Variants in MSI2 observed in about 807,000 individuals in gnomAD.
MSI2 encodes the protein RNA-binding protein Musashi homolog 2.
Under a neutral mutation model 45.6 loss-of-function variants are expected in MSI2, and 17 were observed. That is an observed-to-expected ratio of 0.37 (90% CI 0.26 to 0.56). The LOEUF (loss-of-function observed/expected upper bound fraction) is 0.56. Among genes scored for constraint, MSI2 ranks in the 20% least tolerant of loss-of-function variants. The probability of loss-of-function intolerance (pLI) is 0.77; values close to 1 mark genes in which losing one functional copy is unlikely to be tolerated. For synonymous variants in MSI2, 156 were observed against 158.2 expected, an observed-to-expected ratio of 0.99 and a Z score of 0.11; for missense variants, 293 against 444.2, an observed-to-expected ratio of 0.66 and a Z score of 3.06.
chr17:57,486,827 A>G (rs576931932), intron 6 of MSI2, among the ~76,000 whole-genome samples: 1 of 152,274 alleles, frequency 6.6e-6, no homozygotes, highest in Admixed American at 6.5e-5. Context: ...CTCACGGAGA[A>G]CTTCGTTTGT....
intron 6 of MSI2, among the ~76,000 whole-genome samples, chr17:57,416,419 C>T (rs1014599347): frequency 6.6e-6 from 1 of 152,316 alleles, no homozygotes; most frequent in Non-Finnish European, 1.5e-5. Context: ...TTAAAGGAGG[C>T]ACATGGGGCT....
chr17:57,661,209 G>A (rs1024396429), intron 11 of MSI2, among the ~76,000 whole-genome samples: 12 of 152,114 alleles, frequency 7.9e-5, no homozygotes, highest in East Asian at 1.9e-4. Flanking sequence ...GCCTTTAGCC[G>A]ACTTCCAGTC....
At chr17:57,358,925 A>T (rs2143887653) in intron 5 of MSI2, among the ~76,000 whole-genome samples, 1 of 152,270 alleles carries the variant, frequency 6.6e-6, no homozygotes, top group East Asian at 1.9e-4. Flanking sequence ...TTGGTTTTAT[A>T]GAGGGCTGTT....
intron 8 of MSI2, among the ~76,000 whole-genome samples, chr17:57,615,122 G>T (rs1000273900): frequency 3.9e-5 from 5 of 126,604 alleles, no homozygotes; most frequent in African/African-American, 5.5e-5. Context: ...TGTTGCACAA[G>T]AATTTTTTTT....
rs1435637460 is a variant in MSI2, at chr17:57,407,380, A to T, written c.405+5909A>T. Reference sequence around the variant, plus strand: ...TCATACCTGGAATAAAAGTCTCATAAAGCCCTTTGAAATTTAAAAGGCATG... The same window carrying T: ...TCATACCTGGAATAAAAGTCTCATATAGCCCTTTGAAATTTAAAAGGCATG... On this transcript the variant is annotated intron_variant, in intron 6 of 13. Coordinates refer to ENST00000284073, the MANE Select transcript of MSI2 (RefSeq NM_138962.4). The surrounding 1 kb of genome is among the most constrained non-coding windows in gnomAD (Gnocchi z 4.1). 6.6e-6 allele frequency among the ~76,000 whole-genome samples: 1 copy of T among 152,180 alleles called. No individual in the cohort carries two copies. Among genetic ancestry groups the T allele is most frequent in the African/African-American group, 2.4e-5 (1 of 41,434 alleles).
intron 5 of MSI2, among the ~76,000 whole-genome samples, chr17:57,286,777 T>TC (rs918362915): frequency 2.6e-5 from 4 of 151,866 alleles, no homozygotes; most frequent in Non-Finnish European, 2.9e-5. Flanking sequence ...CCACACCCCC[T>TC]CCCCCGCTTA....
At chr17:57,625,194 C>T (rs576249709) in intron 9 of MSI2, among the ~76,000 whole-genome samples, 5 of 152,150 alleles carry the variant, frequency 3.3e-5, no homozygotes, top group Non-Finnish European at 7.4e-5. Flanking sequence ...TTGGGGGAAA[C>T]ACATACATCA....
At chr17:57,509,631 G>C (rs542068432) in intron 6 of MSI2, among the ~76,000 whole-genome samples, 1 of 152,188 alleles carries the variant, frequency 6.6e-6, no homozygotes, top group East Asian at 1.9e-4. Flanking sequence ...ATGTTGGCCA[G>C]GCTGGTCTCG....
intron 6 of MSI2, among the ~76,000 whole-genome samples, chr17:57,419,897 C>T (rs908280079): frequency 7.9e-5 from 12 of 152,220 alleles, no homozygotes; most frequent in Non-Finnish European, 1.6e-4. Context: ...GCACTGCTGC[C>T]TCTCACTGAG....
intron 8 of MSI2, among the ~76,000 whole-genome samples, chr17:57,597,492 T>TAAAAAAAAAAAAAAAG (rs1905368479): frequency 1.5e-5 from 1 of 66,902 alleles, no homozygotes; most frequent in Non-Finnish European, 3.0e-5. Context: ...AAAAAAAAAT[T>TAAAAAAAAAAAAAAAG]AGCTGGGTGC....
intron 5 of MSI2, among the ~76,000 whole-genome samples, chr17:57,347,229 A>C (rs1031788129): frequency 6.6e-6 from 1 of 152,318 alleles, no homozygotes; most frequent in African/African-American, 2.4e-5. Context: ...TGCCATAGAT[A>C]ATAAGGATGC....
intron 5 of MSI2, among the ~76,000 whole-genome samples, chr17:57,381,472 A>G (rs1378868201): frequency 3.3e-5 from 5 of 152,014 alleles, no homozygotes; most frequent in Admixed American, 1.3e-4. Flanking sequence ...TCCTAGCCCT[A>G]TGGCCTCTGC....
chr17:57,561,525 C>T (rs1002613875), intron 7 of MSI2, among the ~76,000 whole-genome samples: 8 of 152,350 alleles, frequency 5.3e-5, no homozygotes, highest in Admixed American at 3.3e-4. Context: ...CCCACCTGAC[C>T]TTTCATCCAG....
chr17:57,442,083 C>T (rs1268427438), intron 6 of MSI2, among the ~76,000 whole-genome samples: 4 of 150,374 alleles, frequency 2.7e-5, no homozygotes, highest in East Asian at 3.9e-4. Context: ...TGTCTCCAGG[C>T]TGGAGTGCAG....
chr17:57,597,006 C>T (rs1417032972), intron 8 of MSI2, 56 bp downstream of exon 8: 1 of 1,310,836 alleles, frequency 7.6e-7, no homozygotes, highest in Non-Finnish European at 1.1e-6. Flanking sequence ...ACGTACACAC[C>T]CAGTCTTGCA....
intron 5 of MSI2, among the ~76,000 whole-genome samples, chr17:57,339,843 T>G (rs1914986142): frequency 1.3e-5 from 2 of 151,936 alleles, no homozygotes; most frequent in Admixed American, 1.3e-4. Flanking sequence ...GTGCTTAGGG[T>G]GTATTCTGGG....
At chr17:57,376,930 T>C (rs1257079892) in intron 5 of MSI2, among the ~76,000 whole-genome samples, 1 of 149,082 alleles carries the variant, frequency 6.7e-6, no homozygotes, top group Non-Finnish European at 1.5e-5. Flanking sequence ...GCCTTTTTTT[T>C]TTTTTTTTGA....
At chr17:57,354,104 G>C (rs566330511) in intron 5 of MSI2, among the ~76,000 whole-genome samples, 1 of 152,274 alleles carries the variant, frequency 6.6e-6, no homozygotes, top group African/African-American at 2.4e-5. Context: ...ACATTTTGCT[G>C]AATTGGAGTA....
At chr17:57,698,141 A>G in the MSI2 span, among the ~76,000 whole-genome samples, 1 of 151,814 alleles carries the variant, frequency 6.6e-6, no homozygotes, top group Non-Finnish European at 1.5e-5. Context: ...TCTCTTCCTC[A>G]CTCAGCAAAT....
Sources: allele counts gnomAD v4.1 joint callset (sites outside exome capture counted in the v4.1 genomes callset), GRCh38; gene constraint gnomAD v4.1.1; non-coding constraint Gnocchi (gnomAD v3.1); transcripts MANE v1.5; gene names NCBI Gene and HGNC (gene_info 2026-07-23, HGNC 2026-07-21).